Variants in BRSK2 observed in about 807,000 individuals in gnomAD.
BRSK2 encodes the protein serine/threonine-protein kinase BRSK2.
A neutral mutation model predicts 83.3 loss-of-function variants in BRSK2; 19 were observed. That is an observed-to-expected ratio of 0.23 (90% confidence interval 0.16 to 0.33). The LOEUF is 0.33. Among genes scored for constraint, BRSK2 ranks in the 10% least tolerant of loss-of-function variants. The pLI is 1.00. For synonymous variants in BRSK2, 519 were observed against 435.4 expected, an observed-to-expected ratio of 1.19 and a Z score of -2.39; for missense variants, 798 against 1,042.3, an observed-to-expected ratio of 0.77 and a Z score of 3.23.
rs1845749128 is a variant in BRSK2, at chr11:1,450,967, AC to A, written c.1495+175del. Among the ~76,000 whole-genome samples, 5 of 152,256 alleles carry A rather than the reference AC, an allele frequency of 3.3e-5. No individual in the cohort carries two copies. The South Asian group carries it at 1.0e-3, about 32-fold the overall frequency. ...AGCGCCCAGCAGCAGCCTGTGTCCT[AC>A]CTGTCGCACAGGCTGGTATCCCCTC... is the stretch of plus-strand genomic sequence containing the variant. On this transcript the variant is annotated intron_variant, in intron 14 of 19. Coordinates refer to ENST00000528841, the MANE Select transcript of BRSK2 (RefSeq NM_001256627.2).
intron 1 of BRSK2, among the ~76,000 whole-genome samples, chr11:1,413,557 A>G (rs1315637467): frequency 1.3e-5 from 2 of 152,222 alleles, no homozygotes; most frequent in East Asian, 3.8e-4. Flanking sequence ...CCTGGCATCC[A>G]GCTCCCCAGT....
At chr11:1,395,933 G>A (rs899340147) in intron 1 of BRSK2, among the ~76,000 whole-genome samples, 10 of 152,222 alleles carry the variant, frequency 6.6e-5, no homozygotes, top group African/African-American at 2.2e-4. Flanking sequence ...GCAGGGCCTG[G>A]GCTGTGATGT....
intron 1 of BRSK2, among the ~76,000 whole-genome samples, chr11:1,435,558 G>T (rs1191989208): frequency 1.0e-5 from 1 of 100,386 alleles, no homozygotes; most frequent in Non-Finnish European, 2.1e-5. Context: ...CTCGGCGGAG[G>T]AGGGGTGCCG....
chr11:1,435,970 G>A, intron 1 of BRSK2, 70 bp from the exon 2 acceptor site: 3 of 1,218,748 alleles, frequency 2.5e-6, no homozygotes, highest in Non-Finnish European at 3.5e-6. Context: ...CCCCCAACCT[G>A]CACTGTCCGG....
chr11:1,420,292 G>T (rs1193438857), intron 1 of BRSK2, among the ~76,000 whole-genome samples: 2 of 152,218 alleles, frequency 1.3e-5, no homozygotes, highest in Admixed American at 6.5e-5. Context: ...CTTCTTGTTG[G>T]CCCAGAGAGG....
rs1406958328 is a variant in BRSK2 at position 1,427,198 on chromosome 11, A to G, written c.92-8842A>G. Among the ~76,000 whole-genome samples, 6 of 152,004 alleles carry G rather than the reference A, an allele frequency of 3.9e-5. No individual in the cohort carries two copies. The South Asian group carries it at 1.0e-3, about 26-fold the overall frequency. On this transcript the variant is annotated intron_variant, in intron 1 of 19. Transcript: ENST00000528841. ...GGCAGAGCTGCAGAACTGAGCCCTCACTGCCCCTCCAGAAAGTGCCAGCCC... is the reference window on the plus strand; with the variant it reads ...GGCAGAGCTGCAGAACTGAGCCCTCGCTGCCCCTCCAGAAAGTGCCAGCCC...
chr11:1,459,058 C>T lies in BRSK2; in HGVS notation c.1940-134C>T, dbSNP rs1219229428. On this transcript the variant is annotated intron_variant, in intron 18 of 19. Transcript: ENST00000528841. Reference sequence around the variant, plus strand: ...CTCTGGCTCTGGCCCCCCCAGTATTCCCCACCCATGCCTCTGGGGCCCTAC... The same window carrying T: ...CTCTGGCTCTGGCCCCCCCAGTATTTCCCACCCATGCCTCTGGGGCCCTAC... 33 of 491,608 alleles carry T rather than the reference C, an allele frequency of 6.7e-5. 1 individual carries two copies. Among genetic ancestry groups the T allele is most frequent in the South Asian group, 2.7e-4 (10 of 37,060 alleles). The allele number at this position is 491,608 out of a possible 1,614,324, so 30.5% of individuals were successfully genotyped here. A position where few individuals can be genotyped will look rare whatever the true frequency, so the allele number is the denominator to read the frequency against.
At chr11:1,415,651 C>G (rs1265088567) in intron 1 of BRSK2, among the ~76,000 whole-genome samples, 1 of 152,230 alleles carries the variant, frequency 6.6e-6, no homozygotes, top group Non-Finnish European at 1.5e-5. Context: ...AGCCCTGGTC[C>G]CTGCTGGATA....
chr11:1,416,186 A>G (rs1848079347), intron 1 of BRSK2, among the ~76,000 whole-genome samples: 1 of 152,232 alleles, frequency 6.6e-6, no homozygotes, highest in Admixed American at 6.5e-5. Flanking sequence ...GTGGATAGAA[A>G]CACACAAACC....
intron 1 of BRSK2, among the ~76,000 whole-genome samples, chr11:1,398,942 G>A (rs1410950146): frequency 6.6e-6 from 1 of 152,310 alleles, no homozygotes; most frequent in South Asian, 2.1e-4. Flanking sequence ...CTTGGCACCC[G>A]CGGCCGTCCC....
chr11:1,451,814 A>AGGGGCGGC lies in BRSK2; in HGVS notation c.1544+402_1544+403insCGGGGCGG, dbSNP rs1845851845. ...GCAGGCCTGGTGGGAACACGTGTGCAGGGGCGGAGCGGAGCAGCCAAGCCG... is the reference window on the plus strand; with the variant it reads ...GCAGGCCTGGTGGGAACACGTGTGCAGGGGCGGCGGGGCGGAGCGGAGCAGCCAAGCCG... On this transcript the variant is annotated intron_variant, in intron 15 of 19. Coordinates refer to ENST00000528841, the MANE Select transcript of BRSK2 (RefSeq NM_001256627.2). Among the ~76,000 whole-genome samples, 9 of 152,320 alleles carry AGGGGCGGC rather than the reference A, an allele frequency of 5.9e-5. No homozygotes were observed. In the South Asian group the frequency reaches 1.9e-3, roughly 32 times the overall value.
chr11:1,451,180 G>A (rs1267576741), intron 14 of BRSK2, among the ~76,000 whole-genome samples, 191 bp from the exon 15 acceptor site: 1 of 152,220 alleles, frequency 6.6e-6, no homozygotes, highest in Non-Finnish European at 1.5e-5. Flanking sequence ...GCTCCCCTTA[G>A]CCTGGGGGGC....
chr11:1,394,920 T>G (rs1200781092), intron 1 of BRSK2, among the ~76,000 whole-genome samples: 6 of 90,956 alleles, frequency 6.6e-5, no homozygotes, highest in Non-Finnish European at 1.1e-4. Flanking sequence ...TGGAGATGGG[T>G]CCTGGAGATG....
rs73411411 is a variant in BRSK2, at chr11:1,454,418, C to A, written c.1545-67C>A. On this transcript the variant is annotated intron_variant, in intron 15 of 19. Transcript: ENST00000528841. This position sits in a 1 kb window ranked among gnomAD's most constrained non-coding sequence, Gnocchi z 5.2. ...GATTCCGCCGTTCCAACCCCAGATTCGAGGGAGGCAGGGGTGTGGACGGTG... is the reference window on the plus strand; with the variant it reads ...GATTCCGCCGTTCCAACCCCAGATTAGAGGGAGGCAGGGGTGTGGACGGTG... 5,101 of 1,580,962 alleles carry A rather than the reference C, an allele frequency of 3.2e-3. 145 individuals are homozygous for A. In the African/African-American group the frequency reaches 0.062, roughly 19 times the overall value.
chr11:1,414,185 C>T (rs1234351760), intron 1 of BRSK2, among the ~76,000 whole-genome samples: 1 of 152,206 alleles, frequency 6.6e-6, no homozygotes, highest in Non-Finnish European at 1.5e-5. Context: ...ATACCACACC[C>T]CAAAGTTGCC....
At position 1,445,747 on chromosome 11, in the gene BRSK2, C is replaced by G. The variant is rs376177479; in HGVS notation, c.1076-10C>G. 20 of 1,611,376 alleles carry G rather than the reference C, an allele frequency of 1.2e-5. No homozygotes were observed. Among genetic ancestry groups the G allele is most frequent in the Non-Finnish European group, 1.6e-5 (19 of 1,178,902 alleles). On this transcript the variant is annotated splice_polypyrimidine_tract_variant and intron_variant, in intron 11 of 19. Transcript: ENST00000528841. ...GGGGGCTGTCTGGCCTGACCTTCGT[C>G]TGTACTCAGACCCTCCCCGGAAGCG... is the stretch of plus-strand genomic sequence containing the variant.
Position 1,440,779 on chromosome 11 carries a change from C to T in BRSK2, c.273-9C>T, listed in dbSNP as rs1167781492. ...CAGCTGGGCGCACTGGTGGCCCCGTCTCCTGCAGGTACCTGGTGCTAGAAC... is the reference window on the plus strand; with the variant it reads ...CAGCTGGGCGCACTGGTGGCCCCGTTTCCTGCAGGTACCTGGTGCTAGAAC... On this transcript the variant is annotated splice_polypyrimidine_tract_variant and intron_variant, in intron 3 of 19. Transcript: ENST00000528841. 6 of 1,560,510 alleles carry T rather than the reference C, an allele frequency of 3.8e-6. No individual in the cohort carries two copies. The highest frequency in any genetic ancestry group is 1.2e-5 in the South Asian group (1 of 84,950).
chr11:1,450,916 G>GGGGGGC, intron 14 of BRSK2, 122 bp downstream of exon 14: 1 of 954,962 alleles, frequency 1.0e-6, no homozygotes, highest in Non-Finnish European at 1.5e-6. Context: ...GGTGGCCTGG[G>GGGGGGC]CCTGCCCACG....
intron 12 of BRSK2, among the ~76,000 whole-genome samples, chr11:1,449,410 C>T (rs372438300): frequency 1.1e-3 from 175 of 152,346 alleles, no homozygotes; most frequent in Middle Eastern, 3.4e-3. Context: ...GGAGCCAGCA[C>T]GAGGCCTGGA....
Sources: gnomAD v4.1 joint callset for allele counts (sites outside exome capture counted in the v4.1 genomes callset) on GRCh38, gnomAD v4.1.1 for gene constraint, Gnocchi (gnomAD v3.1) non-coding constraint, MANE v1.5 for transcripts, NCBI Gene and HGNC (gene_info 2026-07-23, HGNC 2026-07-21) for gene names.